PPARD: variants seen among roughly 807,000 people sequenced by gnomAD.
PPARD encodes the protein peroxisome proliferator-activated receptor delta.
Under a neutral mutation model 39.5 loss-of-function variants are expected in PPARD, and 6 were observed. The ratio of observed to expected loss-of-function variants is 0.15; its 90% confidence interval spans 0.08 to 0.30. The LOEUF (loss-of-function observed/expected upper bound fraction) is 0.30, where lower values mean the gene tolerates loss of function less well. Ranked by LOEUF, PPARD falls within the 10% of genes least tolerant of loss-of-function variation. PPARD has a pLI of 1.00. For missense variants in PPARD, 397 were observed against 596.8 expected (o/e 0.67, Z 3.49); for synonymous variants, 210 against 231.3 (o/e 0.91, Z 0.83).
chr6:35,384,159 A>T (rs1484787551), intron 2 of PPARD, among the ~76,000 whole-genome samples: 1 of 119,614 alleles, frequency 8.4e-6, no homozygotes, highest in Non-Finnish European at 1.7e-5. Context: ...GGCCACCCCT[A>T]CTGGGAAGTG....
chr6:35,352,301 A>G (rs1270298603), intron 2 of PPARD, among the ~76,000 whole-genome samples: 3 of 152,216 alleles, frequency 2.0e-5, no homozygotes, highest in Non-Finnish European at 4.4e-5. Flanking sequence ...CTTCTGCCTC[A>G]GCCTCCCAAG....
chr6:35,397,406 C>T (rs1764405609), intron 2 of PPARD: 2 of 382,698 alleles, frequency 5.2e-6, no homozygotes, highest in African/African-American at 4.4e-5. Context: ...AAAGAACTAG[C>T]CAGACGCTGC....
chr6:35,424,774 G>A lies in PPARD; in HGVS notation c.1073G>A (p.Cys358Tyr), dbSNP rs1429404067. The A allele has an allele frequency of 6.2e-7, 1 of 1,613,042 alleles. No homozygotes were observed. Among genetic ancestry groups the A allele is most frequent in the Non-Finnish European group, 8.5e-7 (1 of 1,179,154 alleles). The change falls in exon 7 of 8, where the codon TGT becomes TAT. Residue 358 changes from cysteine to tyrosine, a missense_variant. Physicochemically the swap from Cys to Tyr is radical, Grantham distance 194 (BLOSUM62 -2). Coordinates refer to ENST00000360694, the MANE Select transcript of PPARD (RefSeq NM_006238.5). The surrounding 1 kb of genome is among the most constrained non-coding windows in gnomAD (Gnocchi z 7.1). Reference sequence around the variant, plus strand: ...CTATTCATTGCGGCCATCATTCTGTGTGGAGGTGAGTGAGAGTGGGGCAGG... The same window carrying A: ...CTATTCATTGCGGCCATCATTCTGTATGGAGGTGAGTGAGAGTGGGGCAGG... ...LALFIAAIIL[C>Y]GDRPGLMNVP...
chr6:35,391,149 CATCTG>C (rs1763980397), intron 2 of PPARD, among the ~76,000 whole-genome samples: 1 of 152,106 alleles, frequency 6.6e-6, no homozygotes, highest in Admixed American at 6.5e-5. Flanking sequence ...CTGATATAGA[CATCTG>C]ATAATAGAAA....
intron 2 of PPARD, among the ~76,000 whole-genome samples, chr6:35,356,610 G>T (rs1319791646): frequency 1.3e-5 from 2 of 152,170 alleles, no homozygotes. Context: ...ATCATCTCTT[G>T]TATGGGCTGT....
At chr6:35,385,654 A>C (rs1562195559) in intron 2 of PPARD, among the ~76,000 whole-genome samples, 1 of 149,842 alleles carries the variant, frequency 6.7e-6, no homozygotes, top group South Asian at 2.1e-4. Flanking sequence ...TTTAAAAAAA[A>C]AAAAAAAAAA....
At chr6:35,349,449 A>G (rs1243322320) in intron 2 of PPARD, among the ~76,000 whole-genome samples, 2 of 152,230 alleles carry the variant, frequency 1.3e-5, no homozygotes, top group Non-Finnish European at 2.9e-5. Flanking sequence ...AAAATACACT[A>G]ACACTAACAA....
chr6:35,376,600 G>A (rs1581573994), intron 2 of PPARD, among the ~76,000 whole-genome samples: 1 of 151,912 alleles, frequency 6.6e-6, no homozygotes, highest in East Asian at 1.9e-4. Flanking sequence ...CCTCTGGCGG[G>A]GCCATGAGTG....
chr6:35,364,496 C>T (rs570809118), intron 2 of PPARD, among the ~76,000 whole-genome samples: 64 of 149,048 alleles, frequency 4.3e-4, no homozygotes, highest in Non-Finnish European at 7.8e-4. Context: ...TGCAGTGGCA[C>T]GATCTTGGCT....
rs1189342773 is a variant in PPARD at position 35,422,863 on chromosome 6, TATTTA to T, written c.424+909_424+913del. Among the ~76,000 whole-genome samples, 12 of 152,228 alleles carry T rather than the reference TATTTA, an allele frequency of 7.9e-5. 1 individual carries two copies. Among genetic ancestry groups the T allele is most frequent in the South Asian group, 4.1e-4 (2 of 4,824 alleles). On this transcript the variant is annotated intron_variant, in intron 5 of 7. Coordinates refer to ENST00000360694, the MANE Select transcript of PPARD (RefSeq NM_006238.5). ...TGAGTGCTTACTATGTGAGGATTCT[TATTTA>T]ATTGATCTAATAACTCAGTAAGTTT... is the stretch of plus-strand genomic sequence containing the variant.
At chr6:35,421,717 C>A in intron 4 of PPARD, 103 bp from the exon 5 acceptor site, 2 of 1,276,694 alleles carry the variant, frequency 1.6e-6, no homozygotes, top group Admixed American at 2.6e-5. Context: ...CTCGTTACTT[C>A]CAAATGTCAG....
At chr6:35,389,849 A>T (rs1250353466) in intron 2 of PPARD, among the ~76,000 whole-genome samples, 1 of 152,178 alleles carries the variant, frequency 6.6e-6, no homozygotes, top group Non-Finnish European at 1.5e-5. Context: ...AGGGTGAGAG[A>T]TGAGATTTCA....
Position 35,426,361 on chromosome 6 carries a change from C to G in PPARD, c.*282C>G, listed in dbSNP as rs200087133. 1.4e-4 allele frequency: 68 copies of G among 498,880 alleles called. 1 individual carries two copies. In the South Asian group the frequency reaches 1.6e-3, roughly 12 times the overall value. The allele number at this position is 498,880 out of a possible 1,614,324, so 30.9% of individuals were successfully genotyped here. A position where few individuals can be genotyped will look rare whatever the true frequency, so the allele number is the denominator to read the frequency against. On this transcript the variant is annotated 3_prime_UTR_variant, in exon 8 of 8. Coordinates refer to ENST00000360694, the MANE Select transcript of PPARD (RefSeq NM_006238.5). ...TTTCTTCCTTTCTGTAGGTTTCTCT[C>G]TTCCCTTCTCCCTTGCCCTCCCTTT... is the stretch of plus-strand genomic sequence containing the variant.
rs1384895750 is a variant in PPARD at position 35,427,032 on chromosome 6, A to G, written c.*953A>G. The G allele has an allele frequency of 2.0e-5, 3 of 152,336 alleles. No homozygotes were observed. The highest frequency in any genetic ancestry group is 7.2e-5 in the African/African-American group (3 of 41,440). The allele number at this position is 152,336 out of a possible 1,614,324, so 9.4% of individuals were successfully genotyped here. A position where few individuals can be genotyped will look rare whatever the true frequency, so the allele number is the denominator to read the frequency against. On this transcript the variant is annotated 3_prime_UTR_variant, in exon 8 of 8. Coordinates refer to ENST00000360694, the MANE Select transcript of PPARD (RefSeq NM_006238.5). Reference sequence around the variant, plus strand: ...AAGCAGCACACCCAATTCTGCCCCTAGGACTCGGGGTCTGAGTCCTGGGGT... The same window carrying G: ...AAGCAGCACACCCAATTCTGCCCCTGGGACTCGGGGTCTGAGTCCTGGGGT...
chr6:35,379,230 A>C (rs1762994893), intron 2 of PPARD, among the ~76,000 whole-genome samples: 2 of 151,346 alleles, frequency 1.3e-5, no homozygotes. Flanking sequence ...CAGCCTCCCG[A>C]GTAGCTGGGG....
intron 2 of PPARD, among the ~76,000 whole-genome samples, chr6:35,404,128 C>T (rs1439875259): frequency 6.6e-6 from 1 of 152,148 alleles, no homozygotes; most frequent in African/African-American, 2.4e-5. Context: ...CATGCCAGCT[C>T]CTGGTCCAGT....
intron 2 of PPARD, among the ~76,000 whole-genome samples, chr6:35,396,861 G>A (rs1227947475): frequency 6.6e-6 from 1 of 152,038 alleles, no homozygotes; most frequent in African/African-American, 2.4e-5. Context: ...GGGTCTTTCT[G>A]TGTTGCCCAG....
At position 35,425,703 on chromosome 6, in the gene PPARD, A is replaced by T; in HGVS notation, c.1079-129A>T. On this transcript the variant is annotated intron_variant, in intron 7 of 7. Transcript: ENST00000360694. This position sits in a 1 kb window ranked among gnomAD's most constrained non-coding sequence, Gnocchi z 4.5. ...TAGAACACCCAGTGGAGCATTGCTGATGGGACAGGGCTTGGTCTGTCACGG... is the reference window on the plus strand; with the variant it reads ...TAGAACACCCAGTGGAGCATTGCTGTTGGGACAGGGCTTGGTCTGTCACGG... 1 of 1,355,368 alleles carries T rather than the reference A, an allele frequency of 7.4e-7. No homozygotes were observed. Among genetic ancestry groups the T allele is most frequent in the Non-Finnish European group, 1.0e-6 (1 of 993,498 alleles). 84.0% of individuals were successfully genotyped at this position (1,355,368 alleles called of 1,614,324 possible).
chr6:35,385,102 C>T (rs1425300600), intron 2 of PPARD, among the ~76,000 whole-genome samples: 1 of 146,248 alleles, frequency 6.8e-6, no homozygotes, highest in South Asian at 2.1e-4. Context: ...GTGAGGAGCC[C>T]CTCTGCCCGG....
Sources: gnomAD v4.1 joint callset for allele counts (sites outside exome capture counted in the v4.1 genomes callset) on GRCh38, gnomAD v4.1.1 for gene constraint, Gnocchi (gnomAD v3.1) non-coding constraint, MANE v1.5 for transcripts, NCBI Gene and HGNC (gene_info 2026-07-23, HGNC 2026-07-21) for gene names.